SPTY2D1: variants seen among roughly 807,000 people sequenced by gnomAD.
SPTY2D1 encodes SPT2 chromatin protein domain containing 1, also known as protein SPT2 homolog.
Under a neutral mutation model 64.0 loss-of-function variants are expected in SPTY2D1, and 21 were observed. That is an observed-to-expected ratio of 0.33 (90% CI 0.23 to 0.47). The LOEUF is 0.47. Among genes scored for constraint, SPTY2D1 ranks in the 20% least tolerant of loss-of-function variants. The pLI is 1.00. For synonymous variants in SPTY2D1, 287 were observed against 286.8 expected, an observed-to-expected ratio of 1.00 and a Z score of -0.01; for missense variants, 724 against 837.2, an observed-to-expected ratio of 0.86 and a Z score of 1.67.
chr11:18,621,753 G>T (rs1435068618), intron 1 of SPTY2D1, among the ~76,000 whole-genome samples: 2 of 152,092 alleles, frequency 1.3e-5, no homozygotes, highest in Non-Finnish European at 2.9e-5. Context: ...TATATGAACT[G>T]AGCCATAATC....
rs1188860631 is a variant in SPTY2D1 at position 18,609,739 on chromosome 11, G to T, written c.*122C>A. On this transcript the variant is annotated 3_prime_UTR_variant, in exon 6 of 6. Coordinates refer to ENST00000336349, the MANE Select transcript of SPTY2D1 (RefSeq NM_194285.3). ...AATGACAGCCTGCAAATGACAGTAT[G>T]CATTCCTTCTCCTTGAGTACCCAAG... is the stretch of plus-strand genomic sequence containing the variant. 6.6e-6 allele frequency: 5 copies of T among 757,794 alleles called. No homozygotes were observed. In the Admixed American group the frequency reaches 1.1e-4, roughly 16 times the overall value. The allele number at this position is 757,794 out of a possible 1,614,324, so 46.9% of individuals were successfully genotyped here.
At chr11:18,622,345 C>T (rs1408495639) in intron 1 of SPTY2D1, among the ~76,000 whole-genome samples, 8 of 151,758 alleles carry the variant, frequency 5.3e-5, no homozygotes, top group Admixed American at 3.9e-4. Flanking sequence ...GCCTGGGCAG[C>T]ATAATGAGAC....
intron 1 of SPTY2D1, among the ~76,000 whole-genome samples, chr11:18,621,816 G>A (rs774092650): frequency 2.0e-5 from 3 of 152,096 alleles, no homozygotes; most frequent in Non-Finnish European, 2.9e-5. Flanking sequence ...GTCAGGCATA[G>A]TGGCTCACAC....
chr11:18,607,031 T>G lies in SPTY2D1; in HGVS notation c.*2830A>C, dbSNP rs928368241. 2.4e-5 allele frequency: 6 copies of G among 250,228 alleles called. No individual in the cohort carries two copies. The highest frequency in any genetic ancestry group is 4.6e-5 in the Non-Finnish European group (6 of 131,712). 15.5% of individuals were successfully genotyped at this position (250,228 alleles called of 1,614,324 possible). On this transcript the variant is annotated 3_prime_UTR_variant, in exon 6 of 6. Transcript: ENST00000336349. The stretch of plus-strand genomic sequence containing the variant: ...GTGTGCCACCGCACCCGGCTAATTT[T>G]TTTATTTTTAGTAGAGACGGGGTCT...
intron 1 of SPTY2D1, among the ~76,000 whole-genome samples, chr11:18,630,905 T>C (rs942773209): frequency 6.6e-6 from 1 of 152,150 alleles, no homozygotes; most frequent in East Asian, 1.9e-4. Flanking sequence ...CACTGCAACC[T>C]CTGTCTTACT....
chr11:18,633,197 A>C (rs1854615940), intron 1 of SPTY2D1, among the ~76,000 whole-genome samples: 1 of 151,970 alleles, frequency 6.6e-6, no homozygotes, highest in African/African-American at 2.4e-5. Flanking sequence ...CTCAGAAGAC[A>C]AAAAAAAGCT....
At position 18,634,269 on chromosome 11, in the gene SPTY2D1, G is replaced by A. The variant is rs931995703; in HGVS notation, c.-12C>T. The A allele has an allele frequency of 3.7e-6, 6 of 1,613,944 alleles. No homozygotes were observed. The highest frequency in any genetic ancestry group is 3.3e-5 in the Admixed American group (2 of 60,006). ...TCTCTGAAGTCCATGTTGGGCCGAG[G>A]CGGGAGAGACTGGGCCAGGCACTCG... On this transcript the variant is annotated 5_prime_UTR_variant, in exon 1 of 6. Coordinates refer to ENST00000336349, the MANE Select transcript of SPTY2D1 (RefSeq NM_194285.3).
At chr11:18,621,977 C>T (rs1854412410) in intron 1 of SPTY2D1, among the ~76,000 whole-genome samples, 1 of 150,436 alleles carries the variant, frequency 6.6e-6, no homozygotes, top group South Asian at 2.1e-4. Flanking sequence ...GTCCCAGCTA[C>T]TCGGGAGGCT....
In SPTY2D1 at chr11:18,612,056, C is replaced by G. The variant is rs1024779749; in HGVS notation, c.1886+258G>C. The G allele has an allele frequency of 2.1e-5, 6 of 283,590 alleles. No individual in the cohort carries two copies. The highest frequency in any genetic ancestry group is 3.8e-5 in the Non-Finnish European group (6 of 156,122). 17.6% of individuals were successfully genotyped at this position (283,590 alleles called of 1,614,324 possible). On this transcript the variant is annotated intron_variant, in intron 4 of 5. Coordinates refer to ENST00000336349, the MANE Select transcript of SPTY2D1 (RefSeq NM_194285.3). This position sits in a 1 kb window ranked among gnomAD's most constrained non-coding sequence, Gnocchi z 4.6. ...ACTACACTAAGCTGCTTCCATCTCA[C>G]TAAATATATATCTTATAAGAATAAC...
intron 1 of SPTY2D1, among the ~76,000 whole-genome samples, chr11:18,625,487 G>A (rs1009766268): frequency 6.6e-6 from 1 of 152,188 alleles, no homozygotes; most frequent in Middle Eastern, 3.4e-3. Context: ...ACGGTTTATA[G>A]CAGAGTCTGA....
At chr11:18,634,028 C>T (rs1363040497) in intron 1 of SPTY2D1, among the ~76,000 whole-genome samples, 170 bp downstream of exon 1, 1 of 152,214 alleles carries the variant, frequency 6.6e-6, no homozygotes, top group Non-Finnish European at 1.5e-5. Context: ...TCGTCCCAAG[C>T]TCTTTTCTCC....
intron 1 of SPTY2D1, 55 bp from the exon 2 acceptor site, chr11:18,617,044 T>C (rs1220888333): frequency 1.4e-6 from 2 of 1,453,288 alleles, no homozygotes; most frequent in African/African-American, 2.8e-5. Flanking sequence ...AATACATTAT[T>C]AGGTATAAGG....
intron 1 of SPTY2D1, among the ~76,000 whole-genome samples, chr11:18,623,340 C>T (rs1854447153): frequency 1.3e-5 from 2 of 152,204 alleles, no homozygotes; most frequent in African/African-American, 4.8e-5. Flanking sequence ...TTAGCAATGA[C>T]TCCATGTTCT....
At chr11:18,625,238 CA>C (rs1450312317) in intron 1 of SPTY2D1, among the ~76,000 whole-genome samples, 1 of 152,122 alleles carries the variant, frequency 6.6e-6, no homozygotes, top group Non-Finnish European at 1.5e-5. Context: ...CCTGGAAAAC[CA>C]ATGGTTCCAT....
chr11:18,616,150 A>C (rs776547677), intron 2 of SPTY2D1, 52 bp from the exon 3 acceptor site: 2 of 1,474,498 alleles, frequency 1.4e-6, no homozygotes, highest in Non-Finnish European at 1.8e-6. Context: ...TCAAGATTGC[A>C]GTATGCTCAA....
In SPTY2D1 at chr11:18,606,750, C is replaced by T; in HGVS notation, c.*3111G>A. The T allele has an allele frequency of 2.5e-6, 1 of 393,926 alleles. No homozygotes were observed. The highest frequency in any genetic ancestry group is 4.8e-6 in the Non-Finnish European group (1 of 207,278). 24.4% of individuals were successfully genotyped at this position (393,926 alleles called of 1,614,324 possible). The stretch of plus-strand genomic sequence containing the variant: ...TTTCCAAACATGTTTTGGTCTCCTG[C>T]TATATCTCAGAAATTTACCAATAGC... On this transcript the variant is annotated 3_prime_UTR_variant, in exon 6 of 6. Transcript: ENST00000336349.
rs1041761334 is a variant in SPTY2D1 at position 18,608,062 on chromosome 11, G to A, written c.*1799C>T. 6.6e-6 allele frequency: 1 copy of A among 152,586 alleles called. No homozygotes were observed. The highest frequency in any genetic ancestry group is 2.4e-5 in the African/African-American group (1 of 41,442). The allele number at this position is 152,586 out of a possible 1,614,324, so 9.5% of individuals were successfully genotyped here. A position where few individuals can be genotyped will look rare whatever the true frequency, so the allele number is the denominator to read the frequency against. ...CATAAATGGCAGCAGAGGAATTGAT[G>A]TTCTAAGCCTGTTTTATTACATGGG... On this transcript the variant is annotated 3_prime_UTR_variant, in exon 6 of 6. Transcript: ENST00000336349.
chr11:18,615,354 G>A lies in SPTY2D1; in HGVS notation c.920C>T (p.Pro307Leu), dbSNP rs376615912. The A allele has an allele frequency of 1.2e-6, 2 of 1,614,088 alleles. No individual in the cohort carries two copies. The highest frequency in any genetic ancestry group is 1.7e-6 in the Non-Finnish European group (2 of 1,180,042). ...QPSLREGHDK[P>L]VFNGAGKPHS... ...AGGCTTTCCAGCTCCATTAAAAACA[G>A]GTTTGTCGTGGCCCTCACGAAGTGA... Residue 307 changes from proline to leucine, a missense_variant, in exon 3 of 6, where the codon CCT becomes CTT. Pro to Leu is a moderately conservative substitution (Grantham distance 98). Coordinates refer to ENST00000336349, the MANE Select transcript of SPTY2D1 (RefSeq NM_194285.3).
At chr11:18,616,775 G>T in intron 2 of SPTY2D1, 100 bp downstream of exon 2, 1 of 1,053,234 alleles carries the variant, frequency 9.5e-7, no homozygotes, top group Non-Finnish European at 1.4e-6. Flanking sequence ...TCCCAAATCT[G>T]TTGGCCTGTT....
Sources: allele counts gnomAD v4.1 joint callset (sites outside exome capture counted in the v4.1 genomes callset), GRCh38; gene constraint gnomAD v4.1.1; non-coding constraint Gnocchi (gnomAD v3.1); transcripts MANE v1.5; gene names NCBI Gene and HGNC (gene_info 2026-07-23, HGNC 2026-07-21).